MCC: variants seen among roughly 807,000 people sequenced by gnomAD.
The protein encoded by MCC is colorectal mutant cancer protein.
MCC carries 90 observed loss-of-function variants against 116.2 expected under a neutral mutation model. The ratio of observed to expected loss-of-function variants is 0.77; its 90% CI spans 0.65 to 0.92. The LOEUF (loss-of-function observed/expected upper bound fraction) is 0.92. Ranked by LOEUF, MCC falls within the 40% of genes least tolerant of loss-of-function variation. MCC has a pLI of 0.00. For synonymous variants in MCC, 578 were observed against 510.5 expected, an observed-to-expected ratio of 1.13 and a Z score of -1.78; for missense variants, 1,516 against 1,312.2, an observed-to-expected ratio of 1.16 and a Z score of -2.40.
intron 3 of MCC, among the ~76,000 whole-genome samples, chr5:113,202,617 G>C (rs989499678): frequency 6.6e-6 from 1 of 152,092 alleles, no homozygotes; most frequent in Non-Finnish European, 1.5e-5. Context: ...TGGTATGTTA[G>C]ATGTTTAAGA....
intron 17 of MCC, among the ~76,000 whole-genome samples, chr5:113,033,831 G>A (rs6885197): frequency 0.051 from 7,833 of 152,228 alleles, 659 homozygotes; most frequent in African/African-American, 0.18. Flanking sequence ...TCCCACTTCA[G>A]CTTTTGGGCT....
intron 3 of MCC, among the ~76,000 whole-genome samples, chr5:113,308,301 C>T (rs1258829939): frequency 1.3e-5 from 2 of 152,198 alleles, no homozygotes; most frequent in African/African-American, 4.8e-5. Flanking sequence ...GCACTCTCAC[C>T]TTGATAGCTC....
At position 113,044,478 on chromosome 5, in the gene MCC, T is replaced by C. The variant is rs1286035557; in HGVS notation, c.2656-848A>G. 3.0e-6 allele frequency: 3 copies of C among 983,954 alleles called. No homozygotes were observed. The African/African-American group carries it at 5.2e-5, about 17-fold the overall frequency. The allele number at this position is 983,954 out of a possible 1,614,324, so 61.0% of individuals were successfully genotyped here. A position where few individuals can be genotyped will look rare whatever the true frequency, so the allele number is the denominator to read the frequency against. On this transcript the variant is annotated intron_variant, in intron 16 of 18. Transcript: ENST00000408903. ...TACCATGGCTGGGGGAAGGCATTCA[T>C]CGGATGATCTCTCAACGGACATGAG...
intron 3 of MCC, among the ~76,000 whole-genome samples, chr5:113,287,083 G>T (rs1766291898): frequency 6.6e-6 from 1 of 151,962 alleles, no homozygotes; most frequent in African/African-American, 2.4e-5. Context: ...GATATATGGG[G>T]GAGGAAAGAG....
intron 1 of MCC, among the ~76,000 whole-genome samples, chr5:113,414,149 A>C (rs1363377123): frequency 1.3e-5 from 2 of 152,076 alleles, no homozygotes; most frequent in Non-Finnish European, 2.9e-5. Context: ...GTTTGTTGTG[A>C]TTTCTGTTCT....
chr5:113,307,147 A>G (rs939287353), intron 3 of MCC, among the ~76,000 whole-genome samples: 1 of 152,190 alleles, frequency 6.6e-6, no homozygotes, highest in Non-Finnish European at 1.5e-5. Context: ...AGTCCCTTGC[A>G]TTTCAAAGAA....
intron 1 of MCC, among the ~76,000 whole-genome samples, chr5:113,395,021 A>G (rs768860381): frequency 2.0e-5 from 3 of 152,244 alleles, no homozygotes; most frequent in Non-Finnish European, 4.4e-5. Flanking sequence ...GACCCTTTAC[A>G]GAAAAAGTTT....
chr5:113,335,871 T>C (rs1767856764), intron 3 of MCC, among the ~76,000 whole-genome samples: 1 of 151,740 alleles, frequency 6.6e-6, no homozygotes, highest in Non-Finnish European at 1.5e-5. Flanking sequence ...AGTCATACTT[T>C]TTATGCTCTG....
chr5:113,126,643 T>C (rs1022214225), intron 5 of MCC, among the ~76,000 whole-genome samples: 4 of 152,228 alleles, frequency 2.6e-5, no homozygotes, highest in African/African-American at 2.4e-5. Context: ...ATTAGGTTGA[T>C]GCAAAAGTAA....
intron 3 of MCC, among the ~76,000 whole-genome samples, chr5:113,278,701 T>C (rs1372857520): frequency 1.3e-5 from 2 of 152,082 alleles, no homozygotes; most frequent in Non-Finnish European, 2.9e-5. Context: ...GGCTGGAGGA[T>C]AGAATGTGAG....
intron 7 of MCC, 118 bp from the exon 8 acceptor site, chr5:113,102,063 G>T: frequency 1.1e-6 from 1 of 910,132 alleles, no homozygotes. Flanking sequence ...GAACCACTTT[G>T]TTATAAATAG....
At chr5:113,075,433 G>A (rs967311262) in intron 11 of MCC, among the ~76,000 whole-genome samples, 9 of 152,224 alleles carry the variant, frequency 5.9e-5, no homozygotes, top group Non-Finnish European at 1.0e-4. Flanking sequence ...TGCATGGCAC[G>A]GGACTGGCGG....
chr5:113,061,396 C>A (rs1417815985), intron 14 of MCC, among the ~76,000 whole-genome samples: 1 of 152,170 alleles, frequency 6.6e-6, no homozygotes, highest in Admixed American at 6.5e-5. Context: ...GTGGGCTTGA[C>A]CAAGGATTCC....
At chr5:113,099,358 G>A (rs563115082) in intron 8 of MCC, among the ~76,000 whole-genome samples, 1 of 152,316 alleles carries the variant, frequency 6.6e-6, no homozygotes, top group South Asian at 2.1e-4. Flanking sequence ...GTGTGTGTGT[G>A]TAATTATCCA....
intron 3 of MCC, among the ~76,000 whole-genome samples, chr5:113,251,544 G>A (rs759700837): frequency 3.3e-4 from 50 of 152,134 alleles, no homozygotes; most frequent in Non-Finnish European, 5.7e-4. Context: ...TATAGATCTG[G>A]ACTGAGGGAT....
intron 3 of MCC, among the ~76,000 whole-genome samples, chr5:113,185,530 T>C (rs184662798): frequency 3.9e-5 from 6 of 152,166 alleles, no homozygotes; most frequent in African/African-American, 7.2e-5. Context: ...AAGTAGCAGA[T>C]TGAAAGGCTA....
In MCC at chr5:113,032,925, G is replaced by A. The variant is rs1008356687; in HGVS notation, c.2757-3869C>T. On this transcript the variant is annotated intron_variant, in intron 17 of 18. Coordinates refer to ENST00000408903, the MANE Select transcript of MCC (RefSeq NM_001085377.2). ...CAACATCAGGAAGTTACCCTATAACGTCTAAAAAGGGGAGGTATGAATAAT... is the reference window on the plus strand; with the variant it reads ...CAACATCAGGAAGTTACCCTATAACATCTAAAAAGGGGAGGTATGAATAAT... 3.3e-5 allele frequency among the ~76,000 whole-genome samples: 5 copies of A among 152,204 alleles called. No individual in the cohort carries two copies. In the East Asian group the frequency reaches 5.8e-4, roughly 18 times the overall value.
chr5:113,172,728 C>G (rs536630005), intron 3 of MCC, among the ~76,000 whole-genome samples: 184 of 152,302 alleles, frequency 1.2e-3, no homozygotes, highest in Non-Finnish European at 1.7e-3. Flanking sequence ...CAATGAAGAA[C>G]CTTAGAACAA....
intron 1 of MCC, among the ~76,000 whole-genome samples, chr5:113,473,243 G>T (rs1024613794): frequency 3.9e-5 from 6 of 152,102 alleles, no homozygotes; most frequent in Non-Finnish European, 7.3e-5. Context: ...GATAAAACTG[G>T]CTGGGTGCAG....
Sources: gnomAD v4.1 joint callset for allele counts (sites outside exome capture counted in the v4.1 genomes callset) on GRCh38, gnomAD v4.1.1 for gene constraint, MANE v1.5 for transcripts, NCBI Gene and HGNC (gene_info 2026-07-23, HGNC 2026-07-21) for gene names.